The following GABBR2 variants were observed in gnomAD, a reference collection of about 807,000 sequenced individuals.
GABBR2 encodes the protein G-protein coupled receptor 51.
A neutral mutation model predicts 105.6 loss-of-function variants in GABBR2; 23 were observed. That is an observed-to-expected ratio of 0.22 (90% CI 0.16 to 0.31). The LOEUF (loss-of-function observed/expected upper bound fraction) is 0.31, where lower values mean the gene tolerates loss of function less well. Among genes scored for constraint, GABBR2 ranks in the 10% least tolerant of loss-of-function variants. The pLI, the probability that GABBR2 is intolerant of heterozygous loss-of-function variation, is 1.00. For missense variants in GABBR2, 734 were observed against 1,245.5 expected, an observed-to-expected ratio of 0.59 and a Z score of 6.18; for synonymous variants, 478 against 499.7, an observed-to-expected ratio of 0.96 and a Z score of 0.58.
chr9:98,688,581 T>TA (rs1472554999), intron 1 of GABBR2, among the ~76,000 whole-genome samples: 1 of 152,128 alleles, frequency 6.6e-6, no homozygotes, highest in Non-Finnish European at 1.5e-5. Flanking sequence ...GAATTCACAT[T>TA]TGCTAGGACC....
At chr9:98,355,357 G>T (rs1475196220) in intron 13 of GABBR2, among the ~76,000 whole-genome samples, 1 of 151,418 alleles carries the variant, frequency 6.6e-6, no homozygotes, top group Non-Finnish European at 1.5e-5. Context: ...TCAATGTAAG[G>T]TTGCCATAAA....
At chr9:98,370,192 T>C (rs1831753790) in intron 12 of GABBR2, among the ~76,000 whole-genome samples, 1 of 151,906 alleles carries the variant, frequency 6.6e-6, no homozygotes, top group African/African-American at 2.4e-5. Context: ...GAGGGAGAGT[T>C]TGTGTGGCCC....
chr9:98,430,093 TG>T (rs1825775401), intron 7 of GABBR2, among the ~76,000 whole-genome samples: 1 of 152,094 alleles, frequency 6.6e-6, no homozygotes, highest in South Asian at 2.1e-4. Context: ...AACACCATCC[TG>T]GCCAACATGG....
In GABBR2 at chr9:98,444,879, G is replaced by GCGCGCACACA. The variant is rs939018102; in HGVS notation, c.1236+9101_1236+9102insTGTGTGCGCG. On this transcript the variant is annotated intron_variant, in intron 7 of 18. Coordinates refer to ENST00000259455, the MANE Select transcript of GABBR2 (RefSeq NM_005458.8). ...CATGCATATGCACATGCGCGCGCGC[G>GCGCGCACACA]CACACACACACACACACACACGCAC... 9.9e-5 allele frequency among the ~76,000 whole-genome samples: 15 copies of GCGCGCACACA among 151,044 alleles called. 1 individual carries two copies. In the South Asian group the frequency reaches 1.3e-3, roughly 13 times the overall value.
In GABBR2 at chr9:98,598,600, A is replaced by G. The variant is rs1228620105; in HGVS notation, c.322-20528T>C. Among the ~76,000 whole-genome samples, 21 of 141,474 alleles carry G rather than the reference A, an allele frequency of 1.5e-4. No individual in the cohort carries two copies. In the East Asian group the frequency reaches 4.5e-3, roughly 30 times the overall value. 92.8% of individuals were successfully genotyped at this position (141,474 alleles called of 152,430 possible). On this transcript the variant is annotated intron_variant, in intron 1 of 18. Transcript: ENST00000259455. ...AAGAAGAAGAAAAAAAAAATCCCCA[A>G]ACGTGCGTAACCAGTGTCTGTACGA...
At chr9:98,645,890 A>G (rs781389425) in intron 1 of GABBR2, among the ~76,000 whole-genome samples, 5 of 152,226 alleles carry the variant, frequency 3.3e-5, no homozygotes, top group Non-Finnish European at 5.9e-5. Flanking sequence ...CACAAGTTCT[A>G]TGAGGTAAGT....
intron 1 of GABBR2, among the ~76,000 whole-genome samples, chr9:98,663,477 C>T (rs896681295): frequency 2.0e-5 from 3 of 151,870 alleles, no homozygotes; most frequent in Non-Finnish European, 2.9e-5. Context: ...TCATAATTAG[C>T]GGCAAGGTCA....
At chr9:98,448,023 A>C (rs142514975) in intron 7 of GABBR2, among the ~76,000 whole-genome samples, 1 of 152,128 alleles carries the variant, frequency 6.6e-6, no homozygotes, top group Admixed American at 6.5e-5. Flanking sequence ...CAATTAGAAG[A>C]TAACAGCCAT....
chr9:98,323,885 T>A (rs945432915), intron 13 of GABBR2, among the ~76,000 whole-genome samples: 13 of 152,192 alleles, frequency 8.5e-5, no homozygotes, highest in African/African-American at 2.9e-4. Context: ...ATTCTCTAAA[T>A]CAGGACTCTG....
At chr9:98,541,650 G>A (rs1455426693) in intron 3 of GABBR2, among the ~76,000 whole-genome samples, 4 of 152,220 alleles carry the variant, frequency 2.6e-5, no homozygotes, top group Non-Finnish European at 4.4e-5. Context: ...AAGAATGAAA[G>A]GGAAGGTTCA....
intron 7 of GABBR2, among the ~76,000 whole-genome samples, chr9:98,441,738 G>A (rs1453880571): frequency 6.6e-6 from 1 of 152,180 alleles, no homozygotes; most frequent in Admixed American, 6.5e-5. Context: ...TAGTGGTGAT[G>A]CTTGTATAAC....
chr9:98,406,114 T>G lies in GABBR2; in HGVS notation c.1264A>C (p.Arg422=). 6.3e-7 allele frequency: 1 copy of G among 1,584,502 alleles called. No individual in the cohort carries two copies. Among genetic ancestry groups the G allele is most frequent in the Non-Finnish European group, 8.6e-7 (1 of 1,162,682 alleles). The change falls in exon 8 of 19, where the codon AGA becomes CGA. Residue 422 remains arginine, a synonymous_variant. Coordinates refer to ENST00000259455, the MANE Select transcript of GABBR2 (RefSeq NM_005458.8). ...TGAGTAAATTTAATGGTCCCCATTC[T>G]CTCCCCATTCCGGAATACAACTTGA... The part of the protein sequence containing the change: ...TGQVVFRNGE[R]MGTIKFTQFQ...
Position 98,306,317 on chromosome 9 carries a change from G to A in GABBR2, c.2033C>T (p.Thr678Ile). ...GAGTGCGGGGATGCTGACGTTGCGGGTCTCCCAAGCTAAGAAACAACCGAA... is the reference window on the plus strand; with the variant it reads ...GAGTGCGGGGATGCTGACGTTGCGGATCTCCCAAGCTAAGAAACAACCGAA... ...MLFGCFLAWE[T>I]RNVSIPALND... Residue 678 changes from threonine (T) to isoleucine (I), a missense_variant, in exon 15 of 19, where the codon ACC becomes ATC. Around this residue, in one of 7 missense-constraint regions of GABBR2, gnomAD observed 91 missense variants for 185.9 expected, o/e 0.49. Coordinates refer to ENST00000259455, the MANE Select transcript of GABBR2 (RefSeq NM_005458.8). The surrounding 1 kb of genome is among the most constrained non-coding windows in gnomAD (Gnocchi z 5.4). The A allele has an allele frequency of 6.2e-7, 1 of 1,613,910 alleles. No individual in the cohort carries two copies. Among genetic ancestry groups the A allele is most frequent in the Non-Finnish European group, 8.5e-7 (1 of 1,179,798 alleles).
chr9:98,429,426 C>T lies in GABBR2; in HGVS notation c.1237-23285G>A, dbSNP rs62574617. Among the ~76,000 whole-genome samples the T allele has an allele frequency of 3.9e-5, 6 of 152,286 alleles. No homozygotes were observed. The East Asian group carries it at 1.2e-3, about 29-fold the overall frequency. Reference sequence around the variant, plus strand: ...AAAGTGCTGGGATTACAGGCATGAGCCACCACGCCTGGCCGGATTTTGGTA... The same window carrying T: ...AAAGTGCTGGGATTACAGGCATGAGTCACCACGCCTGGCCGGATTTTGGTA... On this transcript the variant is annotated intron_variant, in intron 7 of 18. Coordinates refer to ENST00000259455, the MANE Select transcript of GABBR2 (RefSeq NM_005458.8).
intron 1 of GABBR2, among the ~76,000 whole-genome samples, chr9:98,606,262 G>T (rs543406539): frequency 1.3e-5 from 2 of 152,280 alleles, no homozygotes; most frequent in East Asian, 3.9e-4. Flanking sequence ...ATAGCAGCAT[G>T]ATTTATAATC....
chr9:98,459,680 A>G lies in GABBR2; in HGVS notation c.1000-5463T>C, dbSNP rs57655814. 4.6e-5 allele frequency among the ~76,000 whole-genome samples: 7 copies of G among 152,378 alleles called. No individual in the cohort carries two copies. The East Asian group carries it at 1.3e-3, about 29-fold the overall frequency. ...AAGAGCCAAGAAAACAAACAGAACT[A>G]TTTAGAGTTTAATAGTATTGGGAAA... On this transcript the variant is annotated intron_variant, in intron 6 of 18. Transcript: ENST00000259455.
intron 2 of GABBR2, among the ~76,000 whole-genome samples, chr9:98,577,228 A>ATGGATGGATG (rs769775744): frequency 4.6e-5 from 7 of 151,172 alleles, no homozygotes; most frequent in South Asian, 2.1e-4. Flanking sequence ...GGATGGATGG[A>ATGGATGGATG]GCAAAAAAGT....
chr9:98,468,195 C>T (rs751115204), intron 6 of GABBR2, among the ~76,000 whole-genome samples: 1 of 152,130 alleles, frequency 6.6e-6, no homozygotes, highest in Admixed American at 6.5e-5. Flanking sequence ...GGAGGGAGCC[C>T]GTGACCTTGC....
intron 9 of GABBR2, among the ~76,000 whole-genome samples, chr9:98,392,015 T>C (rs1832190425): frequency 6.6e-6 from 1 of 152,074 alleles, no homozygotes; most frequent in Admixed American, 6.5e-5. Context: ...ATAGAAGGCC[T>C]GGGCTCTGCC....
Sources: allele counts gnomAD v4.1 joint callset (sites outside exome capture counted in the v4.1 genomes callset), GRCh38; gene constraint gnomAD v4.1.1; regional missense constraint gnomAD v4.1.1; non-coding constraint Gnocchi (gnomAD v3.1); transcripts MANE v1.5; gene names NCBI Gene and HGNC (gene_info 2026-07-23, HGNC 2026-07-21).